The following ERGIC1 variants were observed in gnomAD, a reference collection of about 807,000 sequenced individuals.
ERGIC1 encodes the protein endoplasmic reticulum-Golgi intermediate compartment protein 1.
A neutral mutation model predicts 38.3 loss-of-function variants in ERGIC1; 19 were observed. The observed-to-expected ratio is 0.50, with a 90% CI of 0.35 to 0.73. The LOEUF is 0.73. Among genes scored for constraint, ERGIC1 ranks in the 30% least tolerant of loss-of-function variants. ERGIC1 has a pLI of 0.01. For synonymous variants in ERGIC1, 124 were observed against 157.6 expected, an observed-to-expected ratio of 0.79 and a Z score of 1.60; for missense variants, 294 against 389.2, an observed-to-expected ratio of 0.76 and a Z score of 2.06.
intron 1 of ERGIC1, chr5:172,867,474 G>A (rs1186800147): frequency 2.4e-6 from 1 of 416,456 alleles, no homozygotes; most frequent in Non-Finnish European, 4.9e-6. Context: ...ACTGCTGGCT[G>A]GCCTTGGCCA....
chr5:172,867,031 T>G (rs752818866), intron 1 of ERGIC1: 3 of 384,896 alleles, frequency 7.8e-6, no homozygotes, highest in Admixed American at 5.9e-5. Context: ...ATGATGCAGA[T>G]GGAGATGATG....
At position 172,927,648 on chromosome 5, in the gene ERGIC1, C is replaced by T. The variant is rs142705813; in HGVS notation, c.541+1079C>T. Among the ~76,000 whole-genome samples the T allele has an allele frequency of 6.8e-3, 1,024 of 149,496 alleles. 10 individuals are homozygous for T. The highest frequency in any genetic ancestry group is 0.011 in the Non-Finnish European group (764 of 67,716). ...AGGCTGGAGTGCAGTGGCACAGTCT[C>T]GGCTCACTGCAACCTCAGCCTCCCG... On this transcript the variant is annotated intron_variant, in intron 7 of 9. Coordinates refer to ENST00000393784, the MANE Select transcript of ERGIC1 (RefSeq NM_001031711.3).
At chr5:172,947,162 G>A (rs977717370) in intron 9 of ERGIC1, among the ~76,000 whole-genome samples, 1 of 143,120 alleles carries the variant, frequency 7.0e-6, no homozygotes, top group Non-Finnish European at 1.5e-5. Flanking sequence ...CAATCTGGGC[G>A]ACAAGAGTGA....
chr5:172,845,002 A>G (rs564649876), intron 1 of ERGIC1, among the ~76,000 whole-genome samples: 1 of 151,058 alleles, frequency 6.6e-6, no homozygotes, highest in East Asian at 2.0e-4. Context: ...GGTAGGAGCC[A>G]TTTCCCATTC....
At chr5:172,919,421 A>G (rs1411779603) in intron 5 of ERGIC1, among the ~76,000 whole-genome samples, 1 of 152,146 alleles carries the variant, frequency 6.6e-6, no homozygotes, top group African/African-American at 2.4e-5. Flanking sequence ...TGGAGTGACA[A>G]CCCACGAGAC....
chr5:172,834,643 C>G lies in ERGIC1; in HGVS notation c.20+210C>G, dbSNP rs1561694827. Among the ~76,000 whole-genome samples the G allele has an allele frequency of 7.0e-6, 1 of 142,700 alleles. No homozygotes were observed. Among genetic ancestry groups the G allele is most frequent in the Non-Finnish European group, 1.5e-5 (1 of 65,578 alleles). The allele number at this position is 142,700 out of a possible 152,430, so 93.6% of individuals were successfully genotyped here. ...GGAGGCCCCCTCGTGCAGCGGGAGA[C>G]AAATCCACCCACCTTCCCTCCGCCG... On this transcript the variant is annotated intron_variant, in intron 1 of 9. Transcript: ENST00000393784. The surrounding 1 kb of genome is among the most constrained non-coding windows in gnomAD (Gnocchi z 4.1).
At chr5:172,888,835 C>T in intron 2 of ERGIC1, 75 bp downstream of exon 2, 1 of 1,341,698 alleles carries the variant, frequency 7.5e-7, no homozygotes, top group African/African-American at 1.4e-5. Flanking sequence ...TGCAGATCAT[C>T]TGGGCCAGGG....
At chr5:172,853,298 C>T (rs1218231211) in intron 1 of ERGIC1, among the ~76,000 whole-genome samples, 1 of 152,194 alleles carries the variant, frequency 6.6e-6, no homozygotes, top group African/African-American at 2.4e-5. Flanking sequence ...GCCCCCATTG[C>T]GGCCCCCATC....
chr5:172,899,357 G>A (rs1285827436), intron 3 of ERGIC1, among the ~76,000 whole-genome samples: 5 of 128,526 alleles, frequency 3.9e-5, no homozygotes, highest in Admixed American at 9.9e-5. Context: ...TCGCTCTGTC[G>A]TCCAGGCTGT....
At chr5:172,844,944 G>C (rs75909230) in intron 1 of ERGIC1, among the ~76,000 whole-genome samples, 1,631 of 152,296 alleles carry the variant, frequency 0.011, 18 homozygotes, top group Non-Finnish European at 0.017. Context: ...CTTATCAAGT[G>C]CTAGACTAAA....
chr5:172,932,994 TC>T, intron 8 of ERGIC1: 1 of 163,426 alleles, frequency 6.1e-6, no homozygotes, highest in Non-Finnish European at 1.3e-5. Context: ...GACAGGGGTG[TC>T]CCCAGGACCC....
At chr5:172,896,291 C>T (rs927794375) in intron 2 of ERGIC1, among the ~76,000 whole-genome samples, 3 of 152,092 alleles carry the variant, frequency 2.0e-5, no homozygotes, top group Non-Finnish European at 2.9e-5. Context: ...TGCAGTGAGC[C>T]GAGATTGCGC....
chr5:172,848,925 G>A (rs1244847861), intron 1 of ERGIC1, among the ~76,000 whole-genome samples: 1 of 152,214 alleles, frequency 6.6e-6, no homozygotes, highest in Non-Finnish European at 1.5e-5. Flanking sequence ...CTGCCTGAAG[G>A]AGGGGTGGGT....
chr5:172,839,794 T>C (rs1157089257), intron 1 of ERGIC1, among the ~76,000 whole-genome samples: 1 of 152,192 alleles, frequency 6.6e-6, no homozygotes, highest in Non-Finnish European at 1.5e-5. Flanking sequence ...GTGCTGTTGT[T>C]ACCCCACTTT....
chr5:172,858,194 GA>G (rs1405679272), intron 1 of ERGIC1, among the ~76,000 whole-genome samples: 14 of 152,216 alleles, frequency 9.2e-5, no homozygotes, highest in Non-Finnish European at 5.9e-5. Context: ...CAGGTGGAGG[GA>G]GAGCATGGGC....
At chr5:172,950,029 C>T (rs374765512) in intron 9 of ERGIC1, among the ~76,000 whole-genome samples, 3 of 152,036 alleles carry the variant, frequency 2.0e-5, no homozygotes, top group African/African-American at 4.8e-5. Context: ...GCTGAGATCA[C>T]GCCACTGCAC....
At chr5:172,933,997 CCAGA>C (rs1358543592) in intron 8 of ERGIC1, 4 of 152,200 alleles carry the variant, frequency 2.6e-5, no homozygotes, top group Admixed American at 2.0e-4. Flanking sequence ...GGGTTGTGAC[CCAGA>C]CAGTCATCCT....
chr5:172,883,762 G>A lies in ERGIC1; in HGVS notation c.21-4937G>A, dbSNP rs369951183. The stretch of plus-strand genomic sequence containing the variant: ...TTTGGGAGGCCGAGGCGGGCAGATC[G>A]CTTGAGCCCTGTAGTTGAAGACCAG... On this transcript the variant is annotated intron_variant, in intron 1 of 9. Transcript: ENST00000393784. Among the ~76,000 whole-genome samples, 140 of 152,238 alleles carry A rather than the reference G, an allele frequency of 9.2e-4. 1 individual carries two copies. The highest frequency in any genetic ancestry group is 3.1e-3 in the African/African-American group (127 of 41,552).
chr5:172,927,713 G>A (rs1763687456), intron 7 of ERGIC1, among the ~76,000 whole-genome samples: 1 of 151,822 alleles, frequency 6.6e-6, no homozygotes, highest in South Asian at 2.1e-4. Context: ...CCGAGCAGCT[G>A]GGATTACAGG....
Sources: gnomAD v4.1 joint callset for allele counts (sites outside exome capture counted in the v4.1 genomes callset) on GRCh38, gnomAD v4.1.1 for gene constraint, Gnocchi (gnomAD v3.1) non-coding constraint, MANE v1.5 for transcripts, NCBI Gene and HGNC (gene_info 2026-07-23, HGNC 2026-07-21) for gene names.